Variants in B3GALT1 observed in about 807,000 individuals in gnomAD.
The protein encoded by B3GALT1 is beta-1,3-galactosyltransferase 1, also known as UDP-Gal:betaGlcNAc beta 1,3-galactosyltransferase, polypeptide 1.
Under a neutral mutation model 23.2 loss-of-function variants are expected in B3GALT1, and 10 were observed. The observed-to-expected ratio is 0.43, with a 90% CI of 0.27 to 0.73. The LOEUF is 0.73. Ranked by LOEUF, B3GALT1 falls within the 30% of genes least tolerant of loss-of-function variation. B3GALT1 has a pLI of 0.21. For missense variants in B3GALT1, 299 were observed against 405.4 expected (o/e 0.74, Z 2.25); for synonymous variants, 156 against 141.5 (o/e 1.10, Z -0.73).
intron 1 of B3GALT1, among the ~76,000 whole-genome samples, chr2:167,386,605 G>A (rs1400270347): frequency 1.3e-5 from 2 of 152,006 alleles, no homozygotes; most frequent in African/African-American, 2.4e-5. Context: ...GATTATAAAT[G>A]TAAGTGATAG....
intron 1 of B3GALT1, among the ~76,000 whole-genome samples, chr2:167,451,937 C>T (rs867177956): frequency 4.7e-4 from 72 of 152,214 alleles, no homozygotes; most frequent in African/African-American, 1.6e-3. Flanking sequence ...GCTGCCTTTG[C>T]TGTGTCGTGC....
intron 2 of B3GALT1, among the ~76,000 whole-genome samples, chr2:167,509,513 T>C (rs1487776026): frequency 6.6e-6 from 1 of 151,956 alleles, no homozygotes; most frequent in Non-Finnish European, 1.5e-5. Flanking sequence ...AAAAACAACA[T>C]AGGTAAGATG....
chr2:167,370,331 C>T (rs1697662812), intron 1 of B3GALT1, among the ~76,000 whole-genome samples: 1 of 152,046 alleles, frequency 6.6e-6, no homozygotes, highest in Non-Finnish European at 1.5e-5. Flanking sequence ...ATATATAACA[C>T]CTAATGGCAA....
chr2:167,424,643 A>G (rs2105303724), intron 1 of B3GALT1, among the ~76,000 whole-genome samples: 1 of 152,246 alleles, frequency 6.6e-6, no homozygotes. Flanking sequence ...TTTGCAAGCC[A>G]TATTTAGATT....
chr2:167,720,319 T>A lies in B3GALT1; in HGVS notation c.-352+73353T>A, dbSNP rs1220414495. 7.9e-5 allele frequency among the ~76,000 whole-genome samples: 12 copies of A among 152,306 alleles called. No homozygotes were observed. The South Asian group carries it at 1.0e-3, about 13-fold the overall frequency. ...GTCTTTGCTGGTAGAGGGGATATTA[T>A]GATGACACTAGCTAAAACATCTGGG... On this transcript the variant is annotated intron_variant, in intron 3 of 4. Transcript: ENST00000392690.
intron 1 of B3GALT1, among the ~76,000 whole-genome samples, chr2:167,297,407 A>C (rs910333410): frequency 6.6e-5 from 10 of 151,830 alleles, no homozygotes; most frequent in Admixed American, 5.9e-4. Flanking sequence ...AAAAAAAAAA[A>C]CTAGGTTTTG....
intron 3 of B3GALT1, among the ~76,000 whole-genome samples, chr2:167,795,310 G>A (rs1243188768): frequency 2.0e-5 from 3 of 152,086 alleles, no homozygotes; most frequent in Non-Finnish European, 4.4e-5. Context: ...GAAATCTAAG[G>A]GGAAGAGTAT....
intron 1 of B3GALT1, among the ~76,000 whole-genome samples, chr2:167,387,682 T>C (rs190661929): frequency 2.0e-5 from 3 of 152,326 alleles, no homozygotes; most frequent in Admixed American, 2.0e-4. Flanking sequence ...TATTTACTAG[T>C]GAAATCATAG....
At chr2:167,492,442 G>C (rs774155275) in intron 2 of B3GALT1, among the ~76,000 whole-genome samples, 1 of 152,058 alleles carries the variant, frequency 6.6e-6, no homozygotes, top group Non-Finnish European at 1.5e-5. Flanking sequence ...GTAAATATTT[G>C]TTTGCAGATT....
At chr2:167,697,648 A>G (rs969929229) in intron 3 of B3GALT1, among the ~76,000 whole-genome samples, 6 of 152,220 alleles carry the variant, frequency 3.9e-5, no homozygotes, top group African/African-American at 1.4e-4. Context: ...AGATAGTGAG[A>G]ATTAACCAGG....
At chr2:167,533,519 T>C (rs910028342) in intron 2 of B3GALT1, among the ~76,000 whole-genome samples, 1 of 152,226 alleles carries the variant, frequency 6.6e-6, no homozygotes, top group African/African-American at 2.4e-5. Context: ...TGTCATGATC[T>C]ATTATCCTTT....
At chr2:167,697,720 A>G (rs1162489365) in intron 3 of B3GALT1, among the ~76,000 whole-genome samples, 41 of 152,200 alleles carry the variant, frequency 2.7e-4, no homozygotes, top group Admixed American at 2.7e-3. Context: ...TTTGAAAAGG[A>G]AAAAAAGTAT....
Position 167,552,340 on chromosome 2 carries a change from T to C in B3GALT1, c.-410+62063T>C, listed in dbSNP as rs76721337. 4.3e-3 allele frequency among the ~76,000 whole-genome samples: 662 copies of C among 152,318 alleles called. 20 individuals carry two copies. In the East Asian group the frequency reaches 0.086, roughly 20 times the overall value. On this transcript the variant is annotated intron_variant, in intron 2 of 4. Coordinates refer to ENST00000392690, the MANE Select transcript of B3GALT1 (RefSeq NM_020981.4). Reference sequence around the variant, plus strand: ...CAGCAGTTTAGGCAAAGATATTTCATATAAAAATTTAGGAGACCCAGACGT... The same window carrying C: ...CAGCAGTTTAGGCAAAGATATTTCACATAAAAATTTAGGAGACCCAGACGT...
At chr2:167,512,652 T>TATATATATATATATA (rs1700042617) in intron 2 of B3GALT1, among the ~76,000 whole-genome samples, 1 of 134,496 alleles carries the variant, frequency 7.4e-6, no homozygotes, top group African/African-American at 2.9e-5. Context: ...ATATATATAT[T>TATATATATATATATA]TTGAGATAGG....
intron 4 of B3GALT1, among the ~76,000 whole-genome samples, chr2:167,828,264 T>C (rs1055272930): frequency 6.6e-6 from 1 of 152,200 alleles, no homozygotes; most frequent in African/African-American, 2.4e-5. Context: ...CTGTCACCAA[T>C]TGAGTCTACC....
intron 3 of B3GALT1, among the ~76,000 whole-genome samples, chr2:167,672,582 T>C (rs1574204883): frequency 6.6e-6 from 1 of 152,270 alleles, no homozygotes; most frequent in African/African-American, 2.4e-5. Flanking sequence ...AGCTTTGCCA[T>C]GTACTTGTGC....
At chr2:167,403,275 T>TG (rs913267231) in intron 1 of B3GALT1, among the ~76,000 whole-genome samples, 1 of 19,162 alleles carries the variant, frequency 5.2e-5, no homozygotes, top group Non-Finnish European at 8.5e-4. Context: ...TTGCGGTGTT[T>TG]GGTTTTTTGT....
intron 3 of B3GALT1, chr2:167,715,168 C>T (rs1558957449): frequency 6.2e-6 from 10 of 1,613,734 alleles, no homozygotes; most frequent in Admixed American, 1.7e-5. Flanking sequence ...CACCATTTTC[C>T]GATTGACTGT....
chr2:167,789,640 A>AAATGCC (rs1688400663), intron 3 of B3GALT1, among the ~76,000 whole-genome samples: 1 of 152,162 alleles, frequency 6.6e-6, no homozygotes, highest in African/African-American at 2.4e-5. Context: ...CACCAATACC[A>AAATGCC]AATGCCAATG....
Sources: allele counts gnomAD v4.1 joint callset (sites outside exome capture counted in the v4.1 genomes callset), GRCh38; gene constraint gnomAD v4.1.1; transcripts MANE v1.5; gene names NCBI Gene and HGNC (gene_info 2026-07-23, HGNC 2026-07-21).